KCNN3: variants seen among roughly 807,000 people sequenced by gnomAD.
KCNN3 encodes small conductance calcium-activated potassium channel protein 3.
A neutral mutation model predicts 62.9 loss-of-function variants in KCNN3; 16 were observed. That is an observed-to-expected ratio of 0.25 (90% confidence interval 0.17 to 0.39). The LOEUF is 0.39. Among genes scored for constraint, KCNN3 ranks in the 10% least tolerant of loss-of-function variants. The pLI, the probability that KCNN3 is intolerant of heterozygous loss-of-function variation, is 1.00. For synonymous variants in KCNN3, 370 were observed against 389.2 expected (o/e 0.95, Z 0.58); for missense variants, 599 against 949.4 (o/e 0.63, Z 4.85).
chr1:154,766,420 ATATATATATATAT>A (rs1648283884), intron 3 of KCNN3, among the ~76,000 whole-genome samples: 1 of 115,888 alleles, frequency 8.6e-6, no homozygotes, highest in Non-Finnish European at 1.9e-5. Context: ...CAGGCTTTAT[ATATATATATATAT>A]ATATATATAT....
rs576994915 is a variant in KCNN3, at chr1:154,768,326, T to C, written c.1448+3649A>G. Among the ~76,000 whole-genome samples the C allele has an allele frequency of 2.6e-5, 4 of 152,350 alleles. No individual in the cohort carries two copies. In the South Asian group the frequency reaches 6.2e-4, roughly 24 times the overall value. On this transcript the variant is annotated intron_variant, in intron 3 of 7. Coordinates refer to ENST00000271915, the MANE Select transcript of KCNN3 (RefSeq NM_002249.6). ...TTGACATTGGGAAACAGAATGATCA[T>C]TTAAGCTTGATTCTAAAAATAGTGC...
At chr1:154,732,856 T>A in intron 4 of KCNN3, 147 bp downstream of exon 4, 1 of 792,072 alleles carries the variant, frequency 1.3e-6, no homozygotes. Flanking sequence ...CACCTGACAT[T>A]TTATGTGTAG....
chr1:154,707,973 T>A lies in KCNN3; in HGVS notation c.*3A>T, dbSNP rs780308252. On this transcript the variant is annotated 3_prime_UTR_variant, in exon 8 of 8. Transcript: ENST00000271915. Reference sequence around the variant, plus strand: ...GTAATGCTTCTGGAGTGGGGAGATTTATTTAGCAACTGCTTGAACTTGTGT... The same window carrying A: ...GTAATGCTTCTGGAGTGGGGAGATTAATTTAGCAACTGCTTGAACTTGTGT... 2.4e-5 allele frequency: 39 copies of A among 1,613,118 alleles called. No homozygotes were observed. Among genetic ancestry groups the A allele is most frequent in the Non-Finnish European group, 3.1e-5 (36 of 1,179,534 alleles).
At position 154,714,865 on chromosome 1, in the gene KCNN3, G is replaced by A. The variant is rs973574206; in HGVS notation, c.1829+11C>T. The A allele has an allele frequency of 1.1e-5, 17 of 1,613,276 alleles. No homozygotes were observed. The highest frequency in any genetic ancestry group is 1.4e-5 in the Non-Finnish European group (17 of 1,179,488). ...GGTCATCTGATGGCTGAACCGCTCT[G>A]GCATACTCACTGGTGGATAGCTTGG... On this transcript the variant is annotated intron_variant, in intron 6 of 7. Coordinates refer to ENST00000271915, the MANE Select transcript of KCNN3 (RefSeq NM_002249.6).
intron 2 of KCNN3, among the ~76,000 whole-genome samples, chr1:154,787,382 A>G (rs1649326404): frequency 6.6e-6 from 1 of 152,198 alleles, no homozygotes; most frequent in African/African-American, 2.4e-5. Flanking sequence ...CCATCACCAC[A>G]GCGACTGCTG....
chr1:154,745,371 G>C (rs1277490459), intron 3 of KCNN3, among the ~76,000 whole-genome samples: 1 of 152,236 alleles, frequency 6.6e-6, no homozygotes, highest in Admixed American at 6.5e-5. Context: ...GAAAACGAGA[G>C]TTTGGTTGGT....
chr1:154,799,991 G>A (rs772953327), intron 2 of KCNN3, among the ~76,000 whole-genome samples: 9 of 152,208 alleles, frequency 5.9e-5, no homozygotes, highest in Non-Finnish European at 1.2e-4. Flanking sequence ...ACCTGTAAAC[G>A]GAGGCCACAT....
intron 2 of KCNN3, among the ~76,000 whole-genome samples, chr1:154,783,198 A>G (rs1442768190): frequency 5.5e-5 from 8 of 144,272 alleles, no homozygotes; most frequent in Middle Eastern, 3.4e-3. Context: ...GGGTGACAGA[A>G]CGAGACTCCA....
chr1:154,741,348 T>C (rs763829310), intron 3 of KCNN3, among the ~76,000 whole-genome samples: 2 of 152,222 alleles, frequency 1.3e-5, no homozygotes, highest in Non-Finnish European at 2.9e-5. Context: ...TCTGTAGCCT[T>C]TCCTTGGTAC....
intron 1 of KCNN3, among the ~76,000 whole-genome samples, chr1:154,868,787 C>T (rs1002109925): frequency 1.3e-5 from 2 of 152,058 alleles, no homozygotes; most frequent in African/African-American, 2.4e-5. Flanking sequence ...GGAATGAATT[C>T]TCCCGGGATC....
chr1:154,778,978 T>C (rs1648911029), intron 2 of KCNN3, among the ~76,000 whole-genome samples: 1 of 152,104 alleles, frequency 6.6e-6, no homozygotes, highest in African/African-American at 2.4e-5. Context: ...CATTAAAAAG[T>C]GTGATACAGC....
intron 2 of KCNN3, among the ~76,000 whole-genome samples, chr1:154,806,068 G>A (rs1275364346): frequency 1.3e-5 from 2 of 152,190 alleles, no homozygotes; most frequent in African/African-American, 4.8e-5. Flanking sequence ...GCACGAACTA[G>A]TGTTTCTACT....
chr1:154,709,253 A>T (rs1462900481), intron 7 of KCNN3, among the ~76,000 whole-genome samples: 2 of 152,188 alleles, frequency 1.3e-5, no homozygotes, highest in African/African-American at 4.8e-5. Flanking sequence ...GGCTGTGTAC[A>T]TCAGACTTGG....
At chr1:154,715,431 C>CA (rs1700213321) in intron 5 of KCNN3, among the ~76,000 whole-genome samples, 1 of 69,128 alleles carries the variant, frequency 1.4e-5, no homozygotes, top group Non-Finnish European at 2.9e-5. Context: ...GAAACTCCAT[C>CA]TCAAAAAAAA....
intron 2 of KCNN3, among the ~76,000 whole-genome samples, chr1:154,816,365 C>T (rs529803611): frequency 1.3e-5 from 2 of 152,228 alleles, no homozygotes; most frequent in Non-Finnish European, 2.9e-5. Context: ...ATCTCTGAAG[C>T]TCCCATTCTG....
intron 1 of KCNN3, among the ~76,000 whole-genome samples, chr1:154,859,257 CAG>C (rs1439876413): frequency 6.6e-6 from 1 of 152,236 alleles, no homozygotes; most frequent in Non-Finnish European, 1.5e-5. Context: ...TCGTTAAAAT[CAG>C]AAATCTCAAA....
At chr1:154,715,805 C>T (rs954193594) in intron 5 of KCNN3, among the ~76,000 whole-genome samples, 2 of 151,202 alleles carry the variant, frequency 1.3e-5, no homozygotes, top group African/African-American at 4.8e-5. Context: ...TTCGTGTATA[C>T]GGTACATTGC....
chr1:154,799,518 A>T (rs1262560112), intron 2 of KCNN3, among the ~76,000 whole-genome samples: 1 of 152,148 alleles, frequency 6.6e-6, no homozygotes, highest in Non-Finnish European at 1.5e-5. Flanking sequence ...GGGCAGGCTG[A>T]CCCGCTTTTG....
At chr1:154,825,499 G>C (rs925464993) in intron 1 of KCNN3, among the ~76,000 whole-genome samples, 1 of 150,666 alleles carries the variant, frequency 6.6e-6, no homozygotes, top group Non-Finnish European at 1.5e-5. Flanking sequence ...CCCAGCAGCT[G>C]GGACTACAGG....
Sources: allele counts gnomAD v4.1 joint callset (sites outside exome capture counted in the v4.1 genomes callset), GRCh38; gene constraint gnomAD v4.1.1; transcripts MANE v1.5; gene names NCBI Gene and HGNC (gene_info 2026-07-23, HGNC 2026-07-21).